Variants in UST observed in about 807,000 individuals in gnomAD.
The protein encoded by UST is chondroitin sulfate 2-O-sulfotransferase.
In UST, 21 loss-of-function variants were observed where a neutral mutation model predicts 45.6. The ratio of observed to expected loss-of-function variants is 0.46; its 90% confidence interval spans 0.33 to 0.66. The LOEUF is 0.66. Among genes scored for constraint, UST ranks in the 30% least tolerant of loss-of-function variants. The pLI is 0.02. For missense variants in UST, 463 were observed against 512.4 expected, an observed-to-expected ratio of 0.90 and a Z score of 0.93; for synonymous variants, 215 against 200.6, an observed-to-expected ratio of 1.07 and a Z score of -0.61.
At position 148,892,949 on chromosome 6, in the gene UST, TTC is replaced by T. The variant is rs146609971; in HGVS notation, c.291+5924_291+5925del. ...TAGTTGCAAGGTAGAATGAGTTTTA[TTC>T]TCTTTCTTTTTTTAAAAAAAAGTAT... On this transcript the variant is annotated intron_variant, in intron 2 of 7. Coordinates refer to ENST00000367463, the MANE Select transcript of UST (RefSeq NM_005715.3). Among the ~76,000 whole-genome samples, 725 of 152,308 alleles carry T rather than the reference TTC, an allele frequency of 4.8e-3. 8 individuals carry two copies. Among genetic ancestry groups the T allele is most frequent in the African/African-American group, 0.016 (665 of 41,592 alleles).
rs576862960 is a variant in UST at position 148,948,831 on chromosome 6, C to T, written c.448-5041C>T. Among the ~76,000 whole-genome samples the T allele has an allele frequency of 4.6e-5, 7 of 151,902 alleles. No individual in the cohort carries two copies. In the South Asian group the frequency reaches 1.5e-3, roughly 32 times the overall value. On this transcript the variant is annotated intron_variant, in intron 3 of 7. Coordinates refer to ENST00000367463, the MANE Select transcript of UST (RefSeq NM_005715.3). The stretch of plus-strand genomic sequence containing the variant: ...GAAAGGTTATGTATAGATCAAATCT[C>T]GGTGGGAATGGTGAATAGATTGCAG...
At chr6:148,856,167 T>C (rs143632487) in intron 1 of UST, among the ~76,000 whole-genome samples, 2,039 of 152,104 alleles carry the variant, frequency 0.013, 30 homozygotes, top group Admixed American at 0.025. Flanking sequence ...CAGGTGCGTG[T>C]CACCATACCC....
intron 2 of UST, among the ~76,000 whole-genome samples, chr6:148,894,346 A>C (rs1454567749): frequency 6.6e-6 from 1 of 152,222 alleles, no homozygotes; most frequent in Non-Finnish European, 1.5e-5. Context: ...GTCATACTGG[A>C]GAAGGGTGGA....
At chr6:149,063,389 A>G (rs1196839582) in intron 7 of UST, among the ~76,000 whole-genome samples, 1 of 152,188 alleles carries the variant, frequency 6.6e-6, no homozygotes, top group Non-Finnish European at 1.5e-5. Context: ...ATAAGAAAAA[A>G]CTTTTTAAAA....
chr6:149,042,997 TTC>T lies in UST; in HGVS notation c.937+21518_937+21519del, dbSNP rs1171661123. On this transcript the variant is annotated intron_variant, in intron 7 of 7. Coordinates refer to ENST00000367463, the MANE Select transcript of UST (RefSeq NM_005715.3). Reference sequence around the variant, plus strand: ...TTTCTTTCTTTCTTTCTTTCTTTCTTTCTTTCTTTCTTTCTTTCTTTCTTTTT... The same window carrying T: ...TTTCTTTCTTTCTTTCTTTCTTTCTTTTTCTTTCTTTCTTTCTTTCTTTTT... Among the ~76,000 whole-genome samples, 18 of 118,160 alleles carry T rather than the reference TTC, an allele frequency of 1.5e-4. No individual in the cohort carries two copies. The East Asian group carries it at 1.8e-3, about 12-fold the overall frequency. 77.5% of individuals were successfully genotyped at this position (118,160 alleles called of 152,430 possible). A position where few individuals can be genotyped will look rare whatever the true frequency, so the allele number is the denominator to read the frequency against.
chr6:148,803,704 C>T (rs1777094956), intron 1 of UST, among the ~76,000 whole-genome samples: 1 of 152,190 alleles, frequency 6.6e-6, no homozygotes, highest in Admixed American at 6.5e-5. Context: ...TTTTCCCTGA[C>T]TCCCAGAACT....
intron 1 of UST, among the ~76,000 whole-genome samples, chr6:148,769,289 G>A (rs929463580): frequency 1.3e-5 from 2 of 152,204 alleles, no homozygotes; most frequent in Non-Finnish European, 2.9e-5. Context: ...CCTTTTTAAT[G>A]TCTACAAAAT....
intron 7 of UST, among the ~76,000 whole-genome samples, chr6:149,052,461 G>A (rs138422816): frequency 1.0e-3 from 154 of 152,188 alleles, no homozygotes; most frequent in African/African-American, 3.5e-3. Context: ...TACAGATAAG[G>A]AAACCACCAA....
chr6:148,971,619 T>C (rs1780921195), intron 5 of UST, among the ~76,000 whole-genome samples: 1 of 151,952 alleles, frequency 6.6e-6, no homozygotes, highest in African/African-American at 2.4e-5. Flanking sequence ...ATAGGGCACA[T>C]ACAAAGCCCT....
rs972152720 is a variant in UST, at chr6:148,790,329, C to T, written c.247+42652C>T. ...GTTTTGCTGTCTGCTCTCTCCAGCG[C>T]CTCATGATGTCAGATGTAGAATAAT... is the stretch of plus-strand genomic sequence containing the variant. On this transcript the variant is annotated intron_variant, in intron 1 of 7. Coordinates refer to ENST00000367463, the MANE Select transcript of UST (RefSeq NM_005715.3). This position sits in a 1 kb window ranked among gnomAD's most constrained non-coding sequence, Gnocchi z 4.2. Among the ~76,000 whole-genome samples, 9 of 152,152 alleles carry T rather than the reference C, an allele frequency of 5.9e-5. No individual in the cohort carries two copies. The highest frequency in any genetic ancestry group is 3.9e-4 in the Admixed American group (6 of 15,274).
chr6:149,025,082 G>A (rs535473589), intron 7 of UST, among the ~76,000 whole-genome samples: 13 of 152,262 alleles, frequency 8.5e-5, no homozygotes, highest in East Asian at 7.7e-4. Context: ...AGTAAAAATC[G>A]TAATGTCTGT....
At position 148,884,903 on chromosome 6, in the gene UST, T is replaced by G. The variant is rs148785755; in HGVS notation, c.248-2083T>G. Reference sequence around the variant, plus strand: ...GAAAAACATGGATCAAGAATGACTCTTGGGCTTTGGCCTGAAAAATGGGAC... The same window carrying G: ...GAAAAACATGGATCAAGAATGACTCGTGGGCTTTGGCCTGAAAAATGGGAC... On this transcript the variant is annotated intron_variant, in intron 1 of 7. Coordinates refer to ENST00000367463, the MANE Select transcript of UST (RefSeq NM_005715.3). Among the ~76,000 whole-genome samples, 153 of 152,314 alleles carry G rather than the reference T, an allele frequency of 1.0e-3. 1 individual carries two copies. Among genetic ancestry groups the G allele is most frequent in the African/African-American group, 3.4e-3 (142 of 41,562 alleles).
intron 7 of UST, among the ~76,000 whole-genome samples, chr6:149,022,154 T>C (rs1246890982): frequency 6.6e-6 from 1 of 152,240 alleles, no homozygotes; most frequent in Non-Finnish European, 1.5e-5. Context: ...TGTCATTTTA[T>C]CCAAAGAGAA....
chr6:148,784,189 G>A (rs941942302), intron 1 of UST, among the ~76,000 whole-genome samples: 3 of 151,978 alleles, frequency 2.0e-5, no homozygotes, highest in Non-Finnish European at 4.4e-5. Flanking sequence ...TATGAAAAAG[G>A]TAACACTAAA....
chr6:148,898,644 C>T (rs1779182635), intron 2 of UST, among the ~76,000 whole-genome samples: 1 of 152,174 alleles, frequency 6.6e-6, no homozygotes, highest in Non-Finnish European at 1.5e-5. Context: ...ATAATGAATT[C>T]ATTTCTTCCT....
At chr6:148,778,654 G>A (rs1420137931) in intron 1 of UST, among the ~76,000 whole-genome samples, 1 of 152,188 alleles carries the variant, frequency 6.6e-6, no homozygotes, top group African/African-American at 2.4e-5. Context: ...GTGGGGCCTG[G>A]CAGGAACATG....
intron 7 of UST, among the ~76,000 whole-genome samples, chr6:149,042,077 C>A (rs1776322462): frequency 6.6e-6 from 1 of 152,200 alleles, no homozygotes; most frequent in Non-Finnish European, 1.5e-5. Flanking sequence ...CTGTGATAAA[C>A]ATTTTATGTG....
At chr6:148,855,002 C>T (rs1259433679) in intron 1 of UST, among the ~76,000 whole-genome samples, 1 of 151,960 alleles carries the variant, frequency 6.6e-6, no homozygotes, top group Non-Finnish European at 1.5e-5. Flanking sequence ...TGGTGGAAGG[C>T]AAGGAGGATC....
At chr6:149,073,791 A>G (rs1776851864) in intron 7 of UST, 42 bp from the exon 8 acceptor site, 1 of 1,596,658 alleles carries the variant, frequency 6.3e-7, no homozygotes, top group African/African-American at 1.3e-5. Flanking sequence ...CTTCTAAGCT[A>G]CTGCAAATGA....
Sources: allele counts gnomAD v4.1 joint callset (sites outside exome capture counted in the v4.1 genomes callset), GRCh38; gene constraint gnomAD v4.1.1; non-coding constraint Gnocchi (gnomAD v3.1); transcripts MANE v1.5; gene names NCBI Gene and HGNC (gene_info 2026-07-23, HGNC 2026-07-21).